The following BEND7 variants were observed in gnomAD, a reference collection of about 807,000 sequenced individuals.
BEND7 encodes the protein BEN domain containing 7.
In BEND7, 28 loss-of-function variants were observed where a neutral mutation model predicts 50.9. The observed-to-expected ratio is 0.55, with a 90% CI of 0.41 to 0.75. BEND7 has a LOEUF of 0.75. Ranked by LOEUF, BEND7 falls within the 30% of genes least tolerant of loss-of-function variation. The pLI is 0.00. For synonymous variants in BEND7, 170 were observed against 183.9 expected, an observed-to-expected ratio of 0.92 and a Z score of 0.61; for missense variants, 477 against 491.3, an observed-to-expected ratio of 0.97 and a Z score of 0.28.
At position 13,487,010 on chromosome 10, in the gene BEND7, C is replaced by T. The variant is rs115940084; in HGVS notation, c.837+5601G>A. ...GGTGACCTGACTGCCTGCGCCACAG[C>T]TGACGTCCTATGCTATTATAATTAC... is the stretch of plus-strand genomic sequence containing the variant. On this transcript the variant is annotated intron_variant, in intron 5 of 8. Transcript: ENST00000466271. 1.5e-3 allele frequency among the ~76,000 whole-genome samples: 224 copies of T among 152,360 alleles called. 2 individuals are homozygous for T. Among genetic ancestry groups the T allele is most frequent in the African/African-American group, 5.3e-3 (221 of 41,576 alleles).
At chr10:13,506,504 G>C (rs748249308) in intron 2 of BEND7, among the ~76,000 whole-genome samples, 19 of 152,324 alleles carry the variant, frequency 1.2e-4, no homozygotes, top group Middle Eastern at 3.4e-3. Flanking sequence ...AGGCCACCCT[G>C]CTAGGGCACC....
In BEND7 at chr10:13,442,213, A is replaced by C. The variant is rs114272746; in HGVS notation, c.1235-463T>G. On this transcript the variant is annotated intron_variant, in intron 8 of 8. Coordinates refer to ENST00000466271, the MANE Select transcript of BEND7 (RefSeq NM_001369863.1). ...CCGGGTGGGACTGAGTAGCCTCTAC[A>C]ATAACTTTTAGCTCTTAACATTCTG... The C allele has an allele frequency of 3.3e-3, 519 of 156,776 alleles. 3 individuals are homozygous for C. Among genetic ancestry groups the C allele is most frequent in the African/African-American group, 0.012 (506 of 41,640 alleles). 9.7% of individuals were successfully genotyped at this position (156,776 alleles called of 1,614,324 possible).
chr10:13,493,330 G>C (rs1044189091), intron 4 of BEND7, among the ~76,000 whole-genome samples: 13 of 152,200 alleles, frequency 8.5e-5, no homozygotes, highest in African/African-American at 2.9e-4. Context: ...TGCCAAAACT[G>C]ATAAAGATGA....
At chr10:13,456,096 G>A (rs7917292) in intron 6 of BEND7, among the ~76,000 whole-genome samples, 46,973 of 151,978 alleles carry the variant, frequency 0.31, 8,733 homozygotes, top group African/African-American at 0.53. Flanking sequence ...AGGTGTGACC[G>A]GGCATGAATG....
intron 2 of BEND7, among the ~76,000 whole-genome samples, chr10:13,511,591 TG>T (rs2078278353): frequency 6.6e-6 from 1 of 152,172 alleles, no homozygotes; most frequent in Non-Finnish European, 1.5e-5. Flanking sequence ...TGGCACGTTT[TG>T]TAATCCCTGG....
intron 7 of BEND7, among the ~76,000 whole-genome samples, chr10:13,450,996 T>C (rs1336176856): frequency 6.6e-6 from 1 of 151,824 alleles, no homozygotes; most frequent in Non-Finnish European, 1.5e-5. Flanking sequence ...GGGAAGGGAA[T>C]AGAGACCAGA....
chr10:13,529,138 G>A (rs913927449), upstream of BEND7, among the ~76,000 whole-genome samples: 2 of 143,940 alleles, frequency 1.4e-5, no homozygotes, highest in Admixed American at 6.8e-5. Context: ...ATCCCCGGGG[G>A]CCGCCGCCGG....
rs1184401088 is a variant in BEND7, at chr10:13,528,575, A to T, written c.-42T>A. 2.3e-4 allele frequency: 5 copies of T among 21,564 alleles called. No individual in the cohort carries two copies. Among genetic ancestry groups the T allele is most frequent in the Admixed American group, 0.012 (1 of 84 alleles). The allele number at this position is 21,564 out of a possible 1,614,324, so 1.3% of individuals were successfully genotyped here. A position where few individuals can be genotyped will look rare whatever the true frequency, so the allele number is the denominator to read the frequency against. ...CGGCGGGGGCTGAGGAGGCGGCGGCAGCGGCGGCAGCGGCAGCGGCGGCAG... is the reference window on the plus strand; with the variant it reads ...CGGCGGGGGCTGAGGAGGCGGCGGCTGCGGCGGCAGCGGCAGCGGCGGCAG... On this transcript the variant is annotated 5_prime_UTR_variant, in exon 1 of 9. Coordinates refer to ENST00000466271, the MANE Select transcript of BEND7 (RefSeq NM_001369863.1).
intron 6 of BEND7, 147 bp downstream of exon 6, chr10:13,480,752 T>G: frequency 6.8e-7 from 1 of 1,466,396 alleles, no homozygotes; most frequent in East Asian, 2.5e-5. Flanking sequence ...ATTACAGAGC[T>G]CACACCCGAA....
In BEND7 at chr10:13,489,554, T is replaced by TTAC. The variant is rs534682942; in HGVS notation, c.837+3054_837+3056dup. On this transcript the variant is annotated intron_variant, in intron 5 of 8. Transcript: ENST00000466271. Reference sequence around the variant, plus strand: ...CCTCAAAGATGGCGCATGAATACTATTACTATTATTATTATTATTATTAAT... The same window carrying TTAC: ...CCTCAAAGATGGCGCATGAATACTATTACTACTATTATTATTATTATTATTAAT... Among the ~76,000 whole-genome samples, 372 of 152,190 alleles carry TTAC rather than the reference T, an allele frequency of 2.4e-3. 3 individuals are homozygous for TTAC. The highest frequency in any genetic ancestry group is 8.4e-3 in the African/African-American group (349 of 41,508).
intron 6 of BEND7, among the ~76,000 whole-genome samples, chr10:13,460,753 TGC>T (rs1338736700): frequency 2.6e-5 from 4 of 152,214 alleles, no homozygotes; most frequent in African/African-American, 9.6e-5. Context: ...TCTTATTAAG[TGC>T]AACTATGGTG....
chr10:13,472,576 A>G (rs890109188), intron 6 of BEND7, among the ~76,000 whole-genome samples: 6 of 151,080 alleles, frequency 4.0e-5, no homozygotes, highest in African/African-American at 1.5e-4. Context: ...CATCACTGTT[A>G]GATTTGGGGT....
At chr10:13,486,029 G>T (rs1000637449) in intron 5 of BEND7, among the ~76,000 whole-genome samples, 1 of 152,066 alleles carries the variant, frequency 6.6e-6, no homozygotes, top group African/African-American at 2.4e-5. Flanking sequence ...CTACAAGTGC[G>T]TGGCCAGTTA....
chr10:13,456,274 C>T (rs916216881), intron 6 of BEND7, among the ~76,000 whole-genome samples: 5 of 152,064 alleles, frequency 3.3e-5, no homozygotes, highest in Non-Finnish European at 5.9e-5. Context: ...TCTGAGATAC[C>T]GGAGCATGCA....
intron 6 of BEND7, among the ~76,000 whole-genome samples, chr10:13,480,036 C>T (rs1393175023): frequency 6.6e-6 from 1 of 152,178 alleles, no homozygotes; most frequent in Non-Finnish European, 1.5e-5. Context: ...GCACAGCACC[C>T]CTATCCGTTA....
At chr10:13,498,448 T>C (rs1424153686) in intron 3 of BEND7, among the ~76,000 whole-genome samples, 1 of 152,236 alleles carries the variant, frequency 6.6e-6, no homozygotes, top group Non-Finnish European at 1.5e-5. Flanking sequence ...TAACTTTTAC[T>C]AACTTCATAC....
intron 2 of BEND7, among the ~76,000 whole-genome samples, chr10:13,508,042 G>A (rs2078020666): frequency 6.6e-6 from 1 of 152,218 alleles, no homozygotes. Context: ...ACAGGTGGGA[G>A]CACGGAGCCA....
chr10:13,511,412 A>C (rs1364931102), intron 2 of BEND7: 1 of 152,212 alleles, frequency 6.6e-6, no homozygotes, highest in Non-Finnish European at 1.5e-5. Context: ...AAAATGATCT[A>C]GAAGAATTAT....
At chr10:13,460,640 G>A (rs1477216725) in intron 6 of BEND7, among the ~76,000 whole-genome samples, 1 of 152,190 alleles carries the variant, frequency 6.6e-6, no homozygotes, top group Non-Finnish European at 1.5e-5. Flanking sequence ...TGGCCTTTGT[G>A]CACCCACAAA....
Sources: gnomAD v4.1 joint callset for allele counts (sites outside exome capture counted in the v4.1 genomes callset) on GRCh38, gnomAD v4.1.1 for gene constraint, MANE v1.5 for transcripts, NCBI Gene and HGNC (gene_info 2026-07-23, HGNC 2026-07-21) for gene names.